Variants in ARFIP1 observed in about 807,000 individuals in gnomAD.
ARFIP1 encodes the protein arfaptin-1.
ARFIP1 carries 24 observed loss-of-function variants against 42.5 expected under a neutral mutation model. The observed-to-expected ratio is 0.57, with a 90% confidence interval of 0.41 to 0.80. The LOEUF (loss-of-function observed/expected upper bound fraction) is 0.80, where lower values mean the gene tolerates loss of function less well. Among genes scored for constraint, ARFIP1 ranks in the 30% least tolerant of loss-of-function variants. The probability of loss-of-function intolerance (pLI) is 0.00; values close to 1 mark genes in which losing one functional copy is unlikely to be tolerated. For missense variants in ARFIP1, 354 were observed against 434.0 expected (o/e 0.82, Z 1.64); for synonymous variants, 141 against 153.7 (o/e 0.92, Z 0.61).
intron 8 of ARFIP1, among the ~76,000 whole-genome samples, chr4:152,905,555 T>TTGTTTGTTTTG (rs1379703840): frequency 2.4e-4 from 28 of 115,656 alleles, no homozygotes; most frequent in African/African-American, 9.1e-4. Context: ...GTTTTTTTTT[T>TTGTTTGTTTTG]TTTTTTTTTT....
At chr4:152,784,053 G>T (rs1730656447) in intron 1 of ARFIP1, among the ~76,000 whole-genome samples, 1 of 152,116 alleles carries the variant, frequency 6.6e-6, no homozygotes, top group South Asian at 2.1e-4. Flanking sequence ...GGGATGGAAA[G>T]AATAAATTCA....
rs73865252 is a variant in ARFIP1, at chr4:152,828,803, C to T, written c.-9-822C>T. Among the ~76,000 whole-genome samples, 678 of 152,274 alleles carry T rather than the reference C, an allele frequency of 4.5e-3. 4 individuals carry two copies. Among genetic ancestry groups the T allele is most frequent in the African/African-American group, 0.015 (637 of 41,564 alleles). ...ATCTAAGAAGTCATCACCATACCCA[C>T]GGTCATCTAGGTTTTCTCCTATGCT... On this transcript the variant is annotated intron_variant, in intron 1 of 8. Transcript: ENST00000353617.
At chr4:152,854,620 T>A (rs749216896) in intron 2 of ARFIP1, among the ~76,000 whole-genome samples, 68 of 152,228 alleles carry the variant, frequency 4.5e-4, no homozygotes, top group African/African-American at 1.6e-3. Context: ...AGGGGAGGAC[T>A]TTTTCCTGAA....
chr4:152,903,011 G>A (rs1026406925), intron 8 of ARFIP1, among the ~76,000 whole-genome samples: 1 of 152,112 alleles, frequency 6.6e-6, no homozygotes, highest in Non-Finnish European at 1.5e-5. Context: ...TATTTTAAAA[G>A]TTGTATTGCA....
At chr4:152,847,480 T>C (rs1732652775) in intron 2 of ARFIP1, among the ~76,000 whole-genome samples, 1 of 152,090 alleles carries the variant, frequency 6.6e-6, no homozygotes, top group Non-Finnish European at 1.5e-5. Context: ...GTGGAGAGGA[T>C]AATCATCTTA....
At chr4:152,817,148 A>C (rs559044466) in intron 1 of ARFIP1, among the ~76,000 whole-genome samples, 1 of 152,222 alleles carries the variant, frequency 6.6e-6, no homozygotes, top group Non-Finnish European at 1.5e-5. Context: ...ATGAAGTAGA[A>C]CATAATAGCG....
chr4:152,842,305 T>C (rs1233958887), intron 2 of ARFIP1, among the ~76,000 whole-genome samples: 2 of 151,792 alleles, frequency 1.3e-5, no homozygotes, highest in African/African-American at 4.8e-5. Context: ...GGAGCTCTAT[T>C]TTCACTCTAT....
chr4:152,869,221 A>C (rs536875807), intron 3 of ARFIP1, among the ~76,000 whole-genome samples: 37 of 152,192 alleles, frequency 2.4e-4, no homozygotes, highest in Non-Finnish European at 4.6e-4. Flanking sequence ...GAAAGTAGAC[A>C]TGTCTTTCTT....
chr4:152,895,976 G>A (rs79441913), intron 8 of ARFIP1, among the ~76,000 whole-genome samples: 2,697 of 152,154 alleles, frequency 0.018, 68 homozygotes, highest in African/African-American at 0.056. Context: ...AAACAATTAC[G>A]TAAATACAAG....
intron 7 of ARFIP1, among the ~76,000 whole-genome samples, chr4:152,887,168 A>T (rs1223287924): frequency 2.0e-5 from 3 of 151,940 alleles, no homozygotes; most frequent in Non-Finnish European, 4.4e-5. Context: ...CTGCTGGATA[A>T]ATCACTGTTT....
At chr4:152,889,827 T>C (rs1353468126) in intron 8 of ARFIP1, among the ~76,000 whole-genome samples, 4 of 111,646 alleles carry the variant, frequency 3.6e-5, no homozygotes, top group Non-Finnish European at 1.7e-5. Context: ...ATACTATATA[T>C]ACTATATACT....
At chr4:152,796,160 G>C in intron 1 of ARFIP1, 1 of 751,514 alleles carries the variant, frequency 1.3e-6, no homozygotes, top group Non-Finnish European at 2.5e-6. Flanking sequence ...TGTGTCACAA[G>C]GCCCACTTCA....
intron 2 of ARFIP1, among the ~76,000 whole-genome samples, chr4:152,856,918 T>A (rs1047694194): frequency 1.3e-5 from 2 of 152,192 alleles, no homozygotes; most frequent in Non-Finnish European, 2.9e-5. Flanking sequence ...ATTTTGTCTT[T>A]CAGAGAGGGA....
chr4:152,810,468 A>G (rs758529999), intron 1 of ARFIP1: 1 of 152,190 alleles, frequency 6.6e-6, no homozygotes, highest in Non-Finnish European at 1.5e-5. Context: ...TTTCCGTGGT[A>G]GAAATACAAT....
At chr4:152,857,166 G>C (rs1047107926) in intron 2 of ARFIP1, among the ~76,000 whole-genome samples, 1 of 152,224 alleles carries the variant, frequency 6.6e-6, no homozygotes, top group Non-Finnish European at 1.5e-5. Context: ...GCGTTGTCCT[G>C]TGACAAGAGG....
chr4:152,873,109 C>T (rs112125713), intron 5 of ARFIP1, among the ~76,000 whole-genome samples: 100 of 152,222 alleles, frequency 6.6e-4, no homozygotes, highest in African/African-American at 2.3e-3. Context: ...TTATTTAACC[C>T]ATATTGTATT....
At chr4:152,782,924 T>C (rs1376229411) in intron 1 of ARFIP1, among the ~76,000 whole-genome samples, 2 of 152,186 alleles carry the variant, frequency 1.3e-5, no homozygotes, top group South Asian at 2.1e-4. Context: ...CATCATAGTC[T>C]ATCATGAGTA....
At chr4:152,815,038 C>T (rs955406882) in intron 1 of ARFIP1, among the ~76,000 whole-genome samples, 4 of 152,172 alleles carry the variant, frequency 2.6e-5, no homozygotes, top group African/African-American at 9.7e-5. Flanking sequence ...GTTCTTTTTA[C>T]CTGTCCTCAG....
intron 1 of ARFIP1, among the ~76,000 whole-genome samples, chr4:152,818,790 A>T (rs955052127): frequency 6.6e-6 from 1 of 152,148 alleles, no homozygotes; most frequent in African/African-American, 2.4e-5. Context: ...GCAGAACACT[A>T]TGGGTTGTGA....
Sources: allele counts gnomAD v4.1 joint callset (sites outside exome capture counted in the v4.1 genomes callset), GRCh38; gene constraint gnomAD v4.1.1; transcripts MANE v1.5; gene names NCBI Gene and HGNC (gene_info 2026-07-23, HGNC 2026-07-21).